UBE3C: variants seen among roughly 807,000 people sequenced by gnomAD.
The protein encoded by UBE3C is ubiquitin-protein ligase E3C.
UBE3C carries 42 observed loss-of-function variants against 129.4 expected under a neutral mutation model. That is an observed-to-expected ratio of 0.32 (90% CI 0.25 to 0.42). The LOEUF is 0.42. Ranked by LOEUF, UBE3C falls within the 10% of genes least tolerant of loss-of-function variation. The probability of loss-of-function intolerance (pLI) is 1.00; values close to 1 mark genes in which losing one functional copy is unlikely to be tolerated. For synonymous variants in UBE3C, 510 were observed against 492.4 expected, an observed-to-expected ratio of 1.04 and a Z score of -0.47; for missense variants, 1,049 against 1,319.1, an observed-to-expected ratio of 0.80 and a Z score of 3.17.
intron 18 of UBE3C, among the ~76,000 whole-genome samples, chr7:157,242,592 A>T (rs1796368075): frequency 7.0e-6 from 1 of 143,610 alleles, no homozygotes; most frequent in Non-Finnish European, 1.5e-5. Context: ...AGATGCTCAG[A>T]TGTTTGCTTC....
intron 2 of UBE3C, chr7:157,164,655 A>G (rs527928825): frequency 1.5e-5 from 5 of 341,908 alleles, no homozygotes; most frequent in South Asian, 1.1e-4. Flanking sequence ...CTGCTTTTTT[A>G]GGTAGAGTTT....
intron 10 of UBE3C, among the ~76,000 whole-genome samples, chr7:157,188,769 TCTAA>T (rs3839848): frequency 0.17 from 25,540 of 152,070 alleles, 2,377 homozygotes; most frequent in East Asian, 0.35. Flanking sequence ...GTAGGCTTAC[TCTAA>T]CTGTTACAGA....
chr7:157,251,696 A>G (rs1010535805), intron 19 of UBE3C, among the ~76,000 whole-genome samples: 6 of 152,222 alleles, frequency 3.9e-5, no homozygotes, highest in Non-Finnish European at 7.3e-5. Context: ...GCTCCAGTTA[A>G]ATATATTTGT....
intron 17 of UBE3C, 96 bp from the exon 18 acceptor site, chr7:157,230,984 C>G (rs1796008883): frequency 2.7e-6 from 4 of 1,505,488 alleles, no homozygotes; most frequent in Non-Finnish European, 3.6e-6. Flanking sequence ...CCCTAAGATC[C>G]TCACACCCCT....
intron 10 of UBE3C, among the ~76,000 whole-genome samples, chr7:157,193,333 C>T (rs1005178710): frequency 2.0e-5 from 3 of 152,002 alleles, no homozygotes; most frequent in African/African-American, 4.8e-5. Context: ...TATAAGAGTT[C>T]GACAGATCAT....
intron 10 of UBE3C, among the ~76,000 whole-genome samples, chr7:157,196,794 C>A (rs1809132106): frequency 1.3e-5 from 2 of 152,050 alleles, no homozygotes; most frequent in African/African-American, 4.8e-5. Flanking sequence ...CAAGGAGAAA[C>A]CCCGTCTCTA....
At chr7:157,263,556 C>T (rs1013680409) in intron 22 of UBE3C, among the ~76,000 whole-genome samples, 2 of 151,458 alleles carry the variant, frequency 1.3e-5, no homozygotes, top group Non-Finnish European at 2.9e-5. Flanking sequence ...CCCAGCTACT[C>T]GGGAGGTTGA....
intron 17 of UBE3C, among the ~76,000 whole-genome samples, chr7:157,227,984 C>T (rs1413917191): frequency 3.9e-5 from 6 of 152,162 alleles, no homozygotes; most frequent in Admixed American, 3.3e-4. Context: ...TGTTTTGCTA[C>T]GCAAATTAGT....
At chr7:157,192,853 G>C in intron 10 of UBE3C, 2 of 903,434 alleles carry the variant, frequency 2.2e-6, no homozygotes, top group Non-Finnish European at 3.4e-6. Flanking sequence ...GTTAATAAAA[G>C]ACATGAACTT....
chr7:157,166,432 A>G (rs1023245759), intron 2 of UBE3C, among the ~76,000 whole-genome samples: 4 of 152,100 alleles, frequency 2.6e-5, no homozygotes, highest in African/African-American at 7.2e-5. Context: ...CTTGTATCTC[A>G]CTGAGCTTTA....
At position 157,139,253 on chromosome 7, in the gene UBE3C, A is replaced by C. The variant is rs1192639331; in HGVS notation, c.-20A>C. The C allele has an allele frequency of 2.0e-6, 3 of 1,513,514 alleles. No individual in the cohort carries two copies. The highest frequency in any genetic ancestry group is 1.2e-5 in the South Asian group (1 of 81,844). 93.8% of individuals were successfully genotyped at this position (1,513,514 alleles called of 1,614,324 possible). On this transcript the variant is annotated 5_prime_UTR_variant, in exon 1 of 23. Coordinates refer to ENST00000348165, the MANE Select transcript of UBE3C (RefSeq NM_014671.3). ...CTGCTTCCGCGGCGGCGCTGCCCGC[A>C]CATGGGCTAGGCTGCCAGGATGTTC...
At chr7:157,185,939 C>T (rs1808793270) in intron 9 of UBE3C, among the ~76,000 whole-genome samples, 1 of 151,904 alleles carries the variant, frequency 6.6e-6, no homozygotes. Flanking sequence ...GTCAGCAATA[C>T]CCAATGTTAT....
At chr7:157,234,708 T>A (rs1796109801) in intron 18 of UBE3C, among the ~76,000 whole-genome samples, 1 of 152,192 alleles carries the variant, frequency 6.6e-6, no homozygotes, top group Admixed American at 6.5e-5. Context: ...ACGGTATGTG[T>A]TATATCATCA....
chr7:157,167,394 A>G (rs1208460550), intron 2 of UBE3C, among the ~76,000 whole-genome samples: 1 of 152,172 alleles, frequency 6.6e-6, no homozygotes, highest in Non-Finnish European at 1.5e-5. Context: ...AGGCTTTATT[A>G]TCATACCTGA....
At chr7:157,254,583 A>AGACAGGGTTTTGCCATGTTG (rs1442965751) in intron 21 of UBE3C, among the ~76,000 whole-genome samples, 1 of 151,656 alleles carries the variant, frequency 6.6e-6, no homozygotes, top group African/African-American at 2.4e-5. Flanking sequence ...CTTTGAGTAG[A>AGACAGGGTTTTGCCATGTTG]GACAGGGTTT....
intron 1 of UBE3C, chr7:157,139,876 C>G (rs1033511117): frequency 4.1e-6 from 2 of 488,378 alleles, no homozygotes; most frequent in African/African-American, 4.2e-5. Flanking sequence ...TGTCGATAAT[C>G]TCTAAAGTAG....
intron 11 of UBE3C, among the ~76,000 whole-genome samples, chr7:157,202,478 G>A (rs535106885): frequency 9.3e-4 from 142 of 152,256 alleles, no homozygotes; most frequent in African/African-American, 3.3e-3. Flanking sequence ...CCAACATGGT[G>A]AAACCCCATC....
At chr7:157,164,075 A>G (rs762450063) in intron 2 of UBE3C, among the ~76,000 whole-genome samples, 5 of 152,150 alleles carry the variant, frequency 3.3e-5, no homozygotes, top group Non-Finnish European at 5.9e-5. Context: ...GAGAAGGAAC[A>G]TGGGCTTTTG....
At chr7:157,182,378 G>A in intron 8 of UBE3C, 50 bp downstream of exon 8, 1 of 1,576,116 alleles carries the variant, frequency 6.3e-7, no homozygotes, top group Non-Finnish European at 8.7e-7. Context: ...GGGTAGCATT[G>A]GCAGATGAGT....
Sources: allele counts gnomAD v4.1 joint callset (sites outside exome capture counted in the v4.1 genomes callset), GRCh38; gene constraint gnomAD v4.1.1; transcripts MANE v1.5; gene names NCBI Gene and HGNC (gene_info 2026-07-23, HGNC 2026-07-21).